The following WDFY4 variants were observed in gnomAD, a reference collection of about 807,000 sequenced individuals.
The protein encoded by WDFY4 is WD repeat- and FYVE domain-containing protein 4.
WDFY4 carries 169 observed loss-of-function variants against 351.9 expected under a neutral mutation model. The observed-to-expected ratio is 0.48, with a 90% CI of 0.42 to 0.55. The LOEUF (loss-of-function observed/expected upper bound fraction) is 0.55. Ranked by LOEUF, WDFY4 falls within the 20% of genes least tolerant of loss-of-function variation. WDFY4 has a pLI of 0.00. For missense variants in WDFY4, 3,803 were observed against 3,935.6 expected (o/e 0.97, Z 0.90); for synonymous variants, 1,622 against 1,574.6 (o/e 1.03, Z -0.71).
intron 11 of WDFY4, among the ~76,000 whole-genome samples, chr10:48,739,140 T>C (rs17011154): frequency 0.022 from 3,372 of 152,330 alleles, 134 homozygotes; most frequent in African/African-American, 0.077. Flanking sequence ...TTAATTGCAT[T>C]ACCTCACCGG....
rs967815733 is a variant in WDFY4, at chr10:48,726,079, C to T, written c.781+9C>T. 3.8e-5 allele frequency: 58 copies of T among 1,532,470 alleles called. No individual in the cohort carries two copies. The highest frequency in any genetic ancestry group is 9.6e-5 in the South Asian group (8 of 83,702). The allele number at this position is 1,532,470 out of a possible 1,614,324, so 94.9% of individuals were successfully genotyped here. A position where few individuals can be genotyped will look rare whatever the true frequency, so the allele number is the denominator to read the frequency against. On this transcript the variant is annotated intron_variant, in intron 6 of 61. Coordinates refer to ENST00000325239, the MANE Select transcript of WDFY4 (RefSeq NM_001394531.1). ...CATCCAGTACCTGCAGGGTATGGCC[C>T]GGGAAATTAGATGTGGGCTGTGGGC...
In WDFY4 at chr10:48,952,454, A is replaced by G. The variant is rs1017851738; in HGVS notation, c.7978-4675A>G. Among the ~76,000 whole-genome samples, 41 of 152,326 alleles carry G rather than the reference A, an allele frequency of 2.7e-4. 1 individual carries two copies. In the Middle Eastern group the frequency reaches 0.01, roughly 38 times the overall value. On this transcript the variant is annotated intron_variant, in intron 51 of 61. Coordinates refer to ENST00000325239, the MANE Select transcript of WDFY4 (RefSeq NM_001394531.1). ...TCCAACACCGTCTGGTTTTTATCATACAGACTTGAGGAGTATTGGAAAAGC... is the reference window on the plus strand; with the variant it reads ...TCCAACACCGTCTGGTTTTTATCATGCAGACTTGAGGAGTATTGGAAAAGC...
chr10:48,942,661 A>G (rs571049004), intron 48 of WDFY4, among the ~76,000 whole-genome samples: 75 of 152,210 alleles, frequency 4.9e-4, no homozygotes, highest in Non-Finnish European at 9.6e-4. Flanking sequence ...TCAGGTCCAA[A>G]ATCCTCTCCC....
rs2067451658 is a variant in WDFY4, at chr10:48,811,673, C to A, written c.5179C>A (p.Gln1727Lys). ...VYLIVSTFFL[Q>K]TPLTELMDGP... is the part of the protein sequence containing the mutation. ...CCTCATCGTCTCCACCTTCTTCCTGCAGACACCACTCACAGAGCTGATGGA... is the reference window on the plus strand; with the variant it reads ...CCTCATCGTCTCCACCTTCTTCCTGAAGACACCACTCACAGAGCTGATGGA... Residue 1727 changes from glutamine (Q) to lysine (K), a missense_variant, in exon 30 of 62, where the codon CAG becomes AAG. Physicochemically the swap from Gln to Lys is moderately conservative, Grantham distance 53 (BLOSUM62 1). This residue lies in a region of WDFY4 where 3,054 missense variants were observed against 3,148.6 expected (regional missense o/e 0.97). Coordinates refer to ENST00000325239, the MANE Select transcript of WDFY4 (RefSeq NM_001394531.1). 6.4e-7 allele frequency: 1 copy of A among 1,551,718 alleles called. No homozygotes were observed. The highest frequency in any genetic ancestry group is 1.4e-5 in the African/African-American group (1 of 73,056).
chr10:48,921,466 C>T (rs1449078362), intron 47 of WDFY4, among the ~76,000 whole-genome samples: 1 of 152,014 alleles, frequency 6.6e-6, no homozygotes, highest in Admixed American at 6.6e-5. Flanking sequence ...CAAAATGGAT[C>T]ATAGATTTGA....
intron 53 of WDFY4, among the ~76,000 whole-genome samples, chr10:48,961,068 T>C (rs1387129363): frequency 1.3e-5 from 2 of 152,232 alleles, no homozygotes; most frequent in African/African-American, 4.8e-5. Flanking sequence ...GCAAGTTTTA[T>C]TGTATGTAAA....
intron 4 of WDFY4, among the ~76,000 whole-genome samples, chr10:48,722,642 T>C (rs997988246): frequency 6.6e-6 from 1 of 152,134 alleles, no homozygotes; most frequent in South Asian, 2.1e-4. Context: ...CCCAAAGGTG[T>C]TCACATGTGT....
intron 1 of WDFY4, among the ~76,000 whole-genome samples, chr10:48,699,514 G>C (rs183387370): frequency 6.6e-6 from 1 of 152,156 alleles, no homozygotes; most frequent in African/African-American, 2.4e-5. Flanking sequence ...AACCTCAGAG[G>C]GAGAGTGGTG....
intron 39 of WDFY4, among the ~76,000 whole-genome samples, chr10:48,837,937 G>A (rs778488767): frequency 1.3e-5 from 2 of 152,212 alleles, no homozygotes; most frequent in East Asian, 1.9e-4. Context: ...AAAGATTGGG[G>A]GACTTATAGA....
chr10:48,823,977 CCTATAACAAATTCATTTT>C (rs2067914334), intron 35 of WDFY4: 1 of 985,298 alleles, frequency 1.0e-6, no homozygotes. Flanking sequence ...AAGGGAGTAG[CCTATAACAAATTCATTTT>C]CTATCGGACT....
At position 48,727,480 on chromosome 10, in the gene WDFY4, T is replaced by C. The variant is rs1338690110; in HGVS notation, c.792T>C (p.Cys264=). The C allele has an allele frequency of 2.6e-6, 4 of 1,551,568 alleles. No individual in the cohort carries two copies. In the African/African-American group the frequency reaches 5.5e-5, roughly 21 times the overall value. Residue 264 remains cysteine (C), a synonymous_variant, in exon 7 of 62, where the codon TGT becomes TGC. Coordinates refer to ENST00000325239, the MANE Select transcript of WDFY4 (RefSeq NM_001394531.1). The part of the protein sequence containing the change: ...SIIQYLQATD[C]VRLSLQNLSR... ...GCTTCCCTCCTGCAGCCACAGACTG[T>C]GTCAGGCTCTCCCTCCAGAACCTCT...
At chr10:48,764,991 GAA>G (rs1350867738) in intron 13 of WDFY4, among the ~76,000 whole-genome samples, 2 of 152,222 alleles carry the variant, frequency 1.3e-5, no homozygotes, top group Non-Finnish European at 2.9e-5. Flanking sequence ...GAAGAGGAAG[GAA>G]AGAGAAGCTC....
intron 12 of WDFY4, among the ~76,000 whole-genome samples, chr10:48,746,806 C>T (rs2065029068): frequency 6.6e-6 from 1 of 152,094 alleles, no homozygotes; most frequent in African/African-American, 2.4e-5. Context: ...GACACCAAGA[C>T]CTTAAAACTC....
chr10:48,929,598 A>T (rs1222788041), intron 47 of WDFY4, among the ~76,000 whole-genome samples: 1 of 152,212 alleles, frequency 6.6e-6, no homozygotes, highest in Non-Finnish European at 1.5e-5. Flanking sequence ...AAGCCCACCT[A>T]GTCTCATTGC....
chr10:48,780,268 C>T (rs2066176196), intron 19 of WDFY4, 149 bp downstream of exon 19: 1 of 1,066,044 alleles, frequency 9.4e-7, no homozygotes, highest in African/African-American at 1.6e-5. Flanking sequence ...ATCTGCCTTA[C>T]TGTTCAGGAA....
intron 13 of WDFY4, among the ~76,000 whole-genome samples, chr10:48,768,641 G>A (rs902365897): frequency 6.6e-6 from 1 of 151,758 alleles, no homozygotes. Flanking sequence ...AATGTCTAAG[G>A]CAGAGATGGG....
intron 2 of WDFY4, among the ~76,000 whole-genome samples, chr10:48,719,378 A>G (rs986831027): frequency 6.6e-6 from 1 of 152,354 alleles, no homozygotes; most frequent in East Asian, 1.9e-4. Context: ...ATTAAGGATG[A>G]GAGAGCACAG....
chr10:48,927,422 G>A (rs1051653859), intron 47 of WDFY4, among the ~76,000 whole-genome samples: 3 of 152,186 alleles, frequency 2.0e-5, no homozygotes, highest in Admixed American at 6.5e-5. Context: ...TCACACAGCT[G>A]CCTTATTCCA....
intron 51 of WDFY4, among the ~76,000 whole-genome samples, chr10:48,954,222 C>T (rs1841480110): frequency 6.6e-6 from 1 of 152,198 alleles, no homozygotes; most frequent in South Asian, 2.1e-4. Flanking sequence ...TAACTGAGCA[C>T]AAAATCCAAC....
Sources: gnomAD v4.1 joint callset for allele counts (sites outside exome capture counted in the v4.1 genomes callset) on GRCh38, gnomAD v4.1.1 for gene constraint, gnomAD v4.1.1 regional missense constraint, MANE v1.5 for transcripts, NCBI Gene and HGNC (gene_info 2026-07-23, HGNC 2026-07-21) for gene names.